The following BFAR variants were observed in gnomAD, a reference collection of about 807,000 sequenced individuals.
The protein encoded by BFAR is RING finger protein 47.
Under a neutral mutation model 54.4 loss-of-function variants are expected in BFAR, and 52 were observed. The observed-to-expected ratio is 0.96, with a 90% confidence interval of 0.77 to 1.21. The LOEUF (loss-of-function observed/expected upper bound fraction) is 1.21. Among genes scored for constraint, BFAR ranks in the 50% most tolerant of loss-of-function variants. The pLI, the probability that BFAR is intolerant of heterozygous loss-of-function variation, is 0.00. For synonymous variants in BFAR, 215 were observed against 204.3 expected (o/e 1.05, Z -0.45); for missense variants, 571 against 534.0 (o/e 1.07, Z -0.68).
At chr16:14,643,309 C>CAAA (rs1265911361) in intron 1 of BFAR, among the ~76,000 whole-genome samples, 1 of 116,470 alleles carries the variant, frequency 8.6e-6, no homozygotes, top group Non-Finnish European at 1.8e-5. Flanking sequence ...GACTTCGTCT[C>CAAA]AAAAAAAAAA....
chr16:14,650,046 G>A (rs1016078337), intron 4 of BFAR, 73 bp downstream of exon 4: 2 of 1,455,868 alleles, frequency 1.4e-6, no homozygotes, highest in Non-Finnish European at 1.8e-6. Context: ...ATCCAGGCCA[G>A]GCGCGGTGGC....
At chr16:14,638,087 C>G (rs1310670709) in intron 1 of BFAR, among the ~76,000 whole-genome samples, 4 of 152,196 alleles carry the variant, frequency 2.6e-5, no homozygotes, top group African/African-American at 7.2e-5. Context: ...ACTGAACCTT[C>G]TTGCTGAGAA....
chr16:14,650,518 C>G (rs1959938598), intron 4 of BFAR: 1 of 152,224 alleles, frequency 6.6e-6, no homozygotes, highest in Admixed American at 6.6e-5. Flanking sequence ...CAGCCCCTGG[C>G]AAACACCATT....
intron 2 of BFAR, among the ~76,000 whole-genome samples, chr16:14,647,514 T>A (rs967016913): frequency 2.6e-5 from 4 of 151,830 alleles, no homozygotes; most frequent in African/African-American, 9.7e-5. Context: ...CTAGCCAACA[T>A]GACCAAAAAT....
intron 4 of BFAR, among the ~76,000 whole-genome samples, chr16:14,653,064 T>C (rs1224563692): frequency 6.6e-6 from 1 of 152,196 alleles, no homozygotes; most frequent in Non-Finnish European, 1.5e-5. Context: ...GTATAAAAAT[T>C]TCTCTACCTA....
At chr16:14,656,010 G>T (rs980532228) in intron 5 of BFAR, among the ~76,000 whole-genome samples, 1 of 151,964 alleles carries the variant, frequency 6.6e-6, no homozygotes, top group African/African-American at 2.4e-5. Context: ...AGCAGTTTGA[G>T]ACCAGCCTGG....
At chr16:14,664,798 C>A (rs1960391785) in intron 6 of BFAR, 71 bp from the exon 7 acceptor site, 1 of 1,462,376 alleles carries the variant, frequency 6.8e-7, no homozygotes, top group African/African-American at 1.4e-5. Flanking sequence ...CCGTGCCTAG[C>A]CTGATCATCA....
chr16:14,658,322 A>T (rs1262448869), intron 5 of BFAR, among the ~76,000 whole-genome samples: 1 of 152,122 alleles, frequency 6.6e-6, no homozygotes, highest in Admixed American at 6.6e-5. Context: ...TTATTATGCA[A>T]AGGAACTTTC....
Position 14,655,012 on chromosome 16 carries a change from G to T in BFAR, c.639-54G>T, listed in dbSNP as rs934822778. On this transcript the variant is annotated intron_variant, in intron 4 of 7. Transcript: ENST00000261658. ...AGTAAGATGGAACTCTGAGTGTAGA[G>T]AGTTTGCTTCCAGTATATAATCGCA... 32 of 1,506,894 alleles carry T rather than the reference G, an allele frequency of 2.1e-5. No homozygotes were observed. Among genetic ancestry groups the T allele is most frequent in the Non-Finnish European group, 2.8e-5 (31 of 1,121,610 alleles). The allele number at this position is 1,506,894 out of a possible 1,614,324, so 93.3% of individuals were successfully genotyped here. A position where few individuals can be genotyped will look rare whatever the true frequency, so the allele number is the denominator to read the frequency against.
Position 14,661,959 on chromosome 16 carries a change from T to C in BFAR, c.851T>C (p.Leu284Pro), listed in dbSNP as rs371002666. ...AAGAGCTCCCCCAGGCTGAGTCTGC[T>C]CTACCTGTACCTGTTTGACTACACC... ...ALKSSPRLSLLYLYLFDYTDT... is the reference protein window; with the variant it reads ...ALKSSPRLSLPYLYLFDYTDT... The change falls in exon 6 of 8, where the codon CTC becomes CCC. Residue 284 changes from leucine to proline, a missense_variant. Physicochemically the swap from Leu to Pro is moderately conservative, Grantham distance 98 (BLOSUM62 -3). Coordinates refer to ENST00000261658, the MANE Select transcript of BFAR (RefSeq NM_016561.3). 1.2e-6 allele frequency: 2 copies of C among 1,614,058 alleles called. No individual in the cohort carries two copies. The highest frequency in any genetic ancestry group is 1.3e-5 in the African/African-American group (1 of 74,928).
intron 4 of BFAR, 122 bp from the exon 5 acceptor site, chr16:14,654,944 T>A (rs924702650): frequency 6.6e-5 from 69 of 1,041,346 alleles, no homozygotes; most frequent in Non-Finnish European, 8.8e-5. Context: ...TGTTGTTAAA[T>A]GTGAAATGTC....
intron 2 of BFAR, among the ~76,000 whole-genome samples, 187 bp downstream of exon 2, chr16:14,644,796 C>A (rs1959741573): frequency 6.6e-6 from 1 of 151,846 alleles, no homozygotes; most frequent in South Asian, 2.1e-4. Flanking sequence ...TGTGAGCCAC[C>A]ATGTCCAGCC....
chr16:14,656,045 A>G (rs1482061721), intron 5 of BFAR, among the ~76,000 whole-genome samples: 1 of 152,088 alleles, frequency 6.6e-6, no homozygotes, highest in Non-Finnish European at 1.5e-5. Flanking sequence ...CCCCGTCTCT[A>G]CTAAAATCAC....
At chr16:14,665,231 A>G (rs1342562771) in intron 7 of BFAR, 160 bp downstream of exon 7, 9 of 643,762 alleles carry the variant, frequency 1.4e-5, no homozygotes, top group Admixed American at 3.1e-5. Flanking sequence ...GAATAGGACA[A>G]TTACCTGTGT....
chr16:14,650,196 G>A, intron 4 of BFAR: 3 of 391,704 alleles, frequency 7.7e-6, no homozygotes, highest in Admixed American at 4.4e-5. Context: ...AGGCTTGGTA[G>A]TGCACACCTT....
At chr16:14,650,005 A>T in intron 4 of BFAR, 32 bp downstream of exon 4, 4 of 1,567,810 alleles carry the variant, frequency 2.6e-6, no homozygotes, top group Non-Finnish European at 2.6e-6. Context: ...CACACCGTGG[A>T]CATTTTAGAA....
chr16:14,662,818 G>A (rs1443005979), intron 6 of BFAR, among the ~76,000 whole-genome samples: 1 of 152,154 alleles, frequency 6.6e-6, no homozygotes, highest in African/African-American at 2.4e-5. Flanking sequence ...AAAGAAGGAA[G>A]GGATTTATTT....
intron 2 of BFAR, among the ~76,000 whole-genome samples, chr16:14,645,172 A>G (rs1959754288): frequency 1.3e-5 from 2 of 151,986 alleles, no homozygotes; most frequent in African/African-American, 4.8e-5. Flanking sequence ...AAAATTAGCC[A>G]GGTGTGGTGG....
intron 4 of BFAR, 162 bp downstream of exon 4, chr16:14,650,135 A>G (rs1959927824): frequency 1.7e-6 from 1 of 602,654 alleles, no homozygotes. Flanking sequence ...CAGCCTGACC[A>G]ATATGATGAA....
Sources: allele counts gnomAD v4.1 joint callset (sites outside exome capture counted in the v4.1 genomes callset), GRCh38; gene constraint gnomAD v4.1.1; transcripts MANE v1.5; gene names NCBI Gene and HGNC (gene_info 2026-07-23, HGNC 2026-07-21).